DRC10: variants seen among roughly 807,000 people sequenced by gnomAD.
DRC10 encodes the protein dynein regulatory complex subunit 10.
the DRC10 span, chr12:113,207,914 C>T: frequency 9.3e-6 from 15 of 1,614,070 alleles, no homozygotes; most frequent in African/African-American, 1.5e-4. Context: ...ATGACGTCCT[C>T]CCCCAGCATC....
At chr12:113,198,960 T>C in the DRC10 span, among the ~76,000 whole-genome samples, 1 of 151,778 alleles carries the variant, frequency 6.6e-6, no homozygotes, top group Non-Finnish European at 1.5e-5. Context: ...TCTTTTGAGA[T>C]GGAGTTTCGC....
At chr12:113,215,103 G>T in the DRC10 span, among the ~76,000 whole-genome samples, 1 of 152,226 alleles carries the variant, frequency 6.6e-6, no homozygotes, top group Admixed American at 6.5e-5. Context: ...TTTCTATGTT[G>T]CTGGTTATGA....
the DRC10 span, among the ~76,000 whole-genome samples, chr12:113,204,007 G>A: frequency 1.3e-5 from 2 of 152,136 alleles, no homozygotes; most frequent in South Asian, 4.1e-4. Flanking sequence ...TTGGGAGGCT[G>A]AGGCAGGGAG....
the DRC10 span, among the ~76,000 whole-genome samples, chr12:113,216,899 G>A: frequency 2.0e-5 from 3 of 152,022 alleles, no homozygotes; most frequent in Non-Finnish European, 2.9e-5. Flanking sequence ...ACCAAGCCTG[G>A]CTATCATGGT....
At chr12:113,211,034 T>C in the DRC10 span, among the ~76,000 whole-genome samples, 5 of 152,072 alleles carry the variant, frequency 3.3e-5, no homozygotes, top group East Asian at 5.8e-4. Flanking sequence ...GGAGAGGACA[T>C]TTGGAGGGGA....
At chr12:113,208,903 A>G in the DRC10 span, among the ~76,000 whole-genome samples, 1 of 152,074 alleles carries the variant, frequency 6.6e-6, no homozygotes, top group Non-Finnish European at 1.5e-5. Flanking sequence ...GGAATGGCAC[A>G]TTTTCACTGA....
At chr12:113,219,642 T>C in the DRC10 span, among the ~76,000 whole-genome samples, 1,052 of 152,268 alleles carry the variant, frequency 6.9e-3, 46 homozygotes, top group East Asian at 0.14. Flanking sequence ...CATTTTCTTA[T>C]GAAAATATCT....
chr12:113,207,563 G>C, the DRC10 span: 2 of 1,614,096 alleles, frequency 1.2e-6, no homozygotes, highest in Non-Finnish European at 1.7e-6. Context: ...GCTTCCATGG[G>C]ACTAGTGAGT....
chr12:113,218,275 T>G, the DRC10 span, among the ~76,000 whole-genome samples: 1 of 152,158 alleles, frequency 6.6e-6, no homozygotes, highest in African/African-American at 2.4e-5. Flanking sequence ...TAGCTGGGAT[T>G]ACAGGCATGC....
At chr12:113,210,225 G>C in the DRC10 span, among the ~76,000 whole-genome samples, 26 of 152,284 alleles carry the variant, frequency 1.7e-4, 1 homozygote. Flanking sequence ...ATAGTACAAT[G>C]GCTAAAAGTA....
At chr12:113,196,286 G>C in the DRC10 span, among the ~76,000 whole-genome samples, 1 of 152,174 alleles carries the variant, frequency 6.6e-6, no homozygotes, top group African/African-American at 2.4e-5. Flanking sequence ...TACTGGACAT[G>C]ATGCCAGGCA....
chr12:113,203,616 T>C, the DRC10 span, among the ~76,000 whole-genome samples: 1 of 151,274 alleles, frequency 6.6e-6, no homozygotes, highest in East Asian at 2.0e-4. Context: ...GCTGAGATTA[T>C]AGGTGCACGC....
chr12:113,195,945 C>T, the DRC10 span: 10 of 1,538,132 alleles, frequency 6.5e-6, 1 homozygote, highest in South Asian at 7.4e-5. Context: ...CTCCCACCCT[C>T]CTCCCTGAGG....
the DRC10 span, among the ~76,000 whole-genome samples, chr12:113,208,755 G>A: frequency 6.6e-6 from 1 of 152,084 alleles, no homozygotes; most frequent in Admixed American, 6.6e-5. Context: ...GAAATACCCT[G>A]GTTTCTTTCT....
chr12:113,200,536 CACCAGGGG>C, the DRC10 span: 11 of 1,253,466 alleles, frequency 8.8e-6, no homozygotes, highest in East Asian at 8.4e-5. Flanking sequence ...CCATCCCCCC[CACCAGGGG>C]CCCCCTCGGC....
chr12:113,207,490 A>G, the DRC10 span: 96 of 1,614,024 alleles, frequency 5.9e-5, no homozygotes, highest in African/African-American at 8.8e-4. Flanking sequence ...AAGAGTATCA[A>G]TGATTTGTTG....
At chr12:113,215,898 ACT>A in the DRC10 span, among the ~76,000 whole-genome samples, 2 of 152,122 alleles carry the variant, frequency 1.3e-5, no homozygotes, top group African/African-American at 4.8e-5. Context: ...TGAAGCAGAA[ACT>A]CTGTCATTGC....
the DRC10 span, chr12:113,207,205 G>A: frequency 1.2e-4 from 68 of 569,858 alleles, no homozygotes; most frequent in Middle Eastern, 9.4e-4. Flanking sequence ...AAAATTAGCC[G>A]GGCGTGGTGG....
chr12:113,217,860 T>C, the DRC10 span, among the ~76,000 whole-genome samples: 1 of 152,176 alleles, frequency 6.6e-6, no homozygotes, highest in Non-Finnish European at 1.5e-5. Flanking sequence ...TCCTGGATAG[T>C]TCATATAAAT....
Sources: allele counts gnomAD v4.1 joint callset (sites outside exome capture counted in the v4.1 genomes callset), GRCh38; gene constraint gnomAD v4.1.1; transcripts MANE v1.5; gene names NCBI Gene and HGNC (gene_info 2026-07-23, HGNC 2026-07-21).